CCSER1: variants seen among roughly 807,000 people sequenced by gnomAD.
CCSER1 encodes the protein serine-rich coiled-coil domain-containing protein 1.
Under a neutral mutation model 82.0 loss-of-function variants are expected in CCSER1, and 41 were observed. The observed-to-expected ratio is 0.50, with a 90% CI of 0.39 to 0.65. The LOEUF is 0.65. Among genes scored for constraint, CCSER1 ranks in the 30% least tolerant of loss-of-function variants. The pLI, the probability that CCSER1 is intolerant of heterozygous loss-of-function variation, is 0.00. For synonymous variants in CCSER1, 414 were observed against 383.9 expected (o/e 1.08, Z -0.92); for missense variants, 1,119 against 1,064.2 (o/e 1.05, Z -0.72).
chr4:91,454,810 C>T (rs954501980), intron 10 of CCSER1, among the ~76,000 whole-genome samples: 4 of 151,750 alleles, frequency 2.6e-5, no homozygotes, highest in Non-Finnish European at 4.4e-5. Flanking sequence ...TTCCCAAAAT[C>T]GACTCCCCGA....
rs565279433 is a variant in CCSER1 at position 91,446,830 on chromosome 4, G to A, written c.2218-151742G>A. The stretch of plus-strand genomic sequence containing the variant: ...GATATTTAGGTTATTTCAGCTTTGC[G>A]GTTATGATGTCTACAGCAGGTATTT... On this transcript the variant is annotated intron_variant, in intron 10 of 10. Transcript: ENST00000509176. Among the ~76,000 whole-genome samples the A allele has an allele frequency of 2.4e-4, 36 of 151,600 alleles. No individual in the cohort carries two copies. The South Asian group carries it at 2.9e-3, about 12-fold the overall frequency.
chr4:90,307,283 T>C (rs1045087536), intron 1 of CCSER1, among the ~76,000 whole-genome samples: 1 of 152,208 alleles, frequency 6.6e-6, no homozygotes, highest in South Asian at 2.1e-4. Flanking sequence ...ATTAATATGG[T>C]TCATAAATGT....
chr4:90,640,703 G>A (rs931134606), intron 6 of CCSER1, among the ~76,000 whole-genome samples: 3 of 152,118 alleles, frequency 2.0e-5, no homozygotes, highest in African/African-American at 7.2e-5. Flanking sequence ...TTGTGATAGT[G>A]AGTGAGTTCT....
intron 10 of CCSER1, among the ~76,000 whole-genome samples, chr4:91,574,093 TC>T (rs1030073804): frequency 6.6e-6 from 1 of 152,036 alleles, no homozygotes; most frequent in Non-Finnish European, 1.5e-5. Context: ...CCCAAAGTGA[TC>T]TACCAAATCT....
chr4:90,663,086 G>A (rs1211973658), intron 6 of CCSER1, among the ~76,000 whole-genome samples: 3 of 152,014 alleles, frequency 2.0e-5, no homozygotes, highest in Non-Finnish European at 4.4e-5. Context: ...ATTTTTATCA[G>A]GAAGATAAAA....
intron 10 of CCSER1, among the ~76,000 whole-genome samples, chr4:91,171,305 G>A (rs1245225969): frequency 6.6e-6 from 1 of 152,016 alleles, no homozygotes; most frequent in African/African-American, 2.4e-5. Context: ...CTAAGTTATT[G>A]TTTACACAAA....
At chr4:91,345,435 CA>C (rs563160771) in intron 10 of CCSER1, among the ~76,000 whole-genome samples, 73 of 152,006 alleles carry the variant, frequency 4.8e-4, no homozygotes, top group African/African-American at 1.7e-3. Flanking sequence ...GCAATATGAT[CA>C]ATTTAAAGTA....
chr4:91,586,452 A>C (rs573112917), intron 10 of CCSER1, among the ~76,000 whole-genome samples: 1 of 151,816 alleles, frequency 6.6e-6, no homozygotes, highest in South Asian at 2.1e-4. Context: ...AAGGATATTG[A>C]GTAGTTGTGA....
At chr4:91,564,932 G>A (rs1762811654) in intron 10 of CCSER1, among the ~76,000 whole-genome samples, 1 of 151,560 alleles carries the variant, frequency 6.6e-6, no homozygotes, top group African/African-American at 2.4e-5. Flanking sequence ...TAAAATCCTT[G>A]CCTGTTCCTG....
At chr4:90,164,201 G>A (rs1364360173) in intron 1 of CCSER1, among the ~76,000 whole-genome samples, 1 of 151,038 alleles carries the variant, frequency 6.6e-6, no homozygotes, top group Non-Finnish European at 1.5e-5. Flanking sequence ...CATTTAATAA[G>A]GGTTTTTTTT....
chr4:90,920,114 G>A (rs1028764147), intron 8 of CCSER1, among the ~76,000 whole-genome samples: 3 of 151,816 alleles, frequency 2.0e-5, no homozygotes, highest in African/African-American at 4.8e-5. Flanking sequence ...CTGAAAGAAG[G>A]CCACCTTAAA....
chr4:90,234,428 G>T (rs148567217), intron 1 of CCSER1, among the ~76,000 whole-genome samples: 2 of 152,218 alleles, frequency 1.3e-5, no homozygotes, highest in South Asian at 4.2e-4. Flanking sequence ...CGTTGGCCAG[G>T]CTGGTCTTGG....
At chr4:91,235,650 A>G (rs1553915426) in intron 10 of CCSER1, among the ~76,000 whole-genome samples, 1 of 151,106 alleles carries the variant, frequency 6.6e-6, no homozygotes, top group Non-Finnish European at 1.5e-5. Flanking sequence ...GGGCAGCCTC[A>G]TTTTTTTTTA....
chr4:90,898,690 T>C (rs1439505562), intron 8 of CCSER1, among the ~76,000 whole-genome samples: 1 of 152,008 alleles, frequency 6.6e-6, no homozygotes, highest in African/African-American at 2.4e-5. Context: ...TCAGCACCAT[T>C]TATTGAATAA....
At chr4:90,735,900 T>G (rs1193751458) in intron 7 of CCSER1, among the ~76,000 whole-genome samples, 1 of 152,118 alleles carries the variant, frequency 6.6e-6, no homozygotes, top group Non-Finnish European at 1.5e-5. Flanking sequence ...TTGGGTATGT[T>G]GTGTTTTCAT....
At chr4:90,268,511 C>T (rs1725659426) in intron 1 of CCSER1, among the ~76,000 whole-genome samples, 1 of 151,798 alleles carries the variant, frequency 6.6e-6, no homozygotes, top group South Asian at 2.1e-4. Flanking sequence ...TATTTGCAAG[C>T]CTCATGGTAA....
chr4:91,222,392 G>A (rs182249772), intron 10 of CCSER1, among the ~76,000 whole-genome samples: 3 of 152,052 alleles, frequency 2.0e-5, no homozygotes, highest in Admixed American at 1.3e-4. Context: ...ATAATTTGTA[G>A]CCAAAAGAGC....
chr4:90,193,036 A>G (rs1463181952), intron 1 of CCSER1, among the ~76,000 whole-genome samples: 2 of 152,250 alleles, frequency 1.3e-5, no homozygotes, highest in African/African-American at 2.4e-5. Context: ...CACCCCATTG[A>G]GAATCTCAGG....
intron 6 of CCSER1, among the ~76,000 whole-genome samples, chr4:90,644,359 G>A (rs1727103239): frequency 6.6e-6 from 1 of 152,090 alleles, no homozygotes; most frequent in Admixed American, 6.5e-5. Flanking sequence ...ATGTGTTCAT[G>A]TGTGGAATTT....
Sources: allele counts gnomAD v4.1 joint callset (sites outside exome capture counted in the v4.1 genomes callset), GRCh38; gene constraint gnomAD v4.1.1; transcripts MANE v1.5; gene names NCBI Gene and HGNC (gene_info 2026-07-23, HGNC 2026-07-21).